The following UNC13C variants were observed in gnomAD, a reference collection of about 807,000 sequenced individuals.
The protein encoded by UNC13C is unc-13 homolog C.
Under a neutral mutation model 245.4 loss-of-function variants are expected in UNC13C, and 174 were observed. That is an observed-to-expected ratio of 0.71 (90% CI 0.63 to 0.80). The LOEUF (loss-of-function observed/expected upper bound fraction) is 0.80. UNC13C is among the 30% of genes least tolerant of loss of function. UNC13C has a pLI of 0.00. For missense variants in UNC13C, 2,829 were observed against 2,602.9 expected, an observed-to-expected ratio of 1.09 and a Z score of -1.89; for synonymous variants, 992 against 895.1, an observed-to-expected ratio of 1.11 and a Z score of -1.93.
intron 28 of UNC13C, among the ~76,000 whole-genome samples, chr15:54,553,042 ATT>A (rs1421819216): frequency 1.0e-5 from 1 of 100,222 alleles, no homozygotes; most frequent in Non-Finnish European, 1.8e-5. Context: ...TATAATATAT[ATT>A]GTATTCTATA....
chr15:54,053,432 T>C (rs1897358854), intron 2 of UNC13C, among the ~76,000 whole-genome samples: 2 of 152,200 alleles, frequency 1.3e-5, no homozygotes, highest in Admixed American at 1.3e-4. Context: ...AACCTGAGTG[T>C]CGCATTATTT....
rs751210143 is a variant in UNC13C at position 54,264,341 on chromosome 15, A to G, written c.3622A>G (p.Lys1208Glu). ...EDFVQFTKAA[K>E]QSVLDGTSKW... ...TTTTGTGCAGTTTACAAAGGCGGCC[A>G]AACAGAGTGTACTGGATGGGACATC... is the stretch of plus-strand genomic sequence containing the variant. The change falls in exon 9 of 33, where the codon AAA becomes GAA. Residue 1208 changes from lysine (K) to glutamate (E), a missense_variant. Coordinates refer to ENST00000260323, the MANE Select transcript of UNC13C (RefSeq NM_001080534.3). 3.1e-6 allele frequency: 5 copies of G among 1,606,884 alleles called. No homozygotes were observed. Among genetic ancestry groups the G allele is most frequent in the Non-Finnish European group, 4.3e-6 (5 of 1,176,374 alleles).
intron 10 of UNC13C, among the ~76,000 whole-genome samples, chr15:54,288,501 T>A (rs1405018446): frequency 6.6e-6 from 1 of 151,950 alleles, no homozygotes; most frequent in East Asian, 1.9e-4. Flanking sequence ...AGTCTTTTTT[T>A]TTTTCTTTTA....
At chr15:53,924,396 CTTTCATGAAATTGTTG>C in the UNC13C span, among the ~76,000 whole-genome samples, 13 of 152,218 alleles carry the variant, frequency 8.5e-5, no homozygotes, top group South Asian at 2.7e-3. Flanking sequence ...TTTCCCTTTT[CTTTCATGAAATTGTTG>C]TGAAGCTCAA....
intron 7 of UNC13C, among the ~76,000 whole-genome samples, chr15:54,245,768 G>A (rs551986176): frequency 8.5e-5 from 13 of 152,096 alleles, no homozygotes; most frequent in African/African-American, 1.7e-4. Flanking sequence ...TCTGGAAAGC[G>A]TACATCAAGT....
At chr15:53,926,259 T>A in the UNC13C span, among the ~76,000 whole-genome samples, 1 of 152,168 alleles carries the variant, frequency 6.6e-6, no homozygotes, top group Non-Finnish European at 1.5e-5. Context: ...TAGGTAATTG[T>A]GAAATGGAAA....
At chr15:54,271,916 A>G (rs551245239) in intron 10 of UNC13C, among the ~76,000 whole-genome samples, 2 of 152,140 alleles carry the variant, frequency 1.3e-5, no homozygotes, top group Non-Finnish European at 2.9e-5. Flanking sequence ...AATTCCACCT[A>G]ATTTCCTGAG....
At chr15:54,331,394 G>GTTCTGTT (rs1249054482) in intron 14 of UNC13C, among the ~76,000 whole-genome samples, 1 of 152,042 alleles carries the variant, frequency 6.6e-6, no homozygotes, top group Non-Finnish European at 1.5e-5. Context: ...CTTCTGTTAA[G>GTTCTGTT]AGGACAGTTC....
At chr15:54,261,346 G>A (rs2036418478) in intron 8 of UNC13C, among the ~76,000 whole-genome samples, 1 of 152,138 alleles carries the variant, frequency 6.6e-6, no homozygotes. Context: ...AACTATTTAA[G>A]AAAGAGTTTC....
intron 17 of UNC13C, among the ~76,000 whole-genome samples, chr15:54,392,753 A>G (rs1198312227): frequency 6.6e-6 from 1 of 152,006 alleles, no homozygotes; most frequent in Non-Finnish European, 1.5e-5. Context: ...ATGAACTTGT[A>G]ATCATCAGAG....
At chr15:54,219,824 A>C (rs1217510640) in intron 4 of UNC13C, among the ~76,000 whole-genome samples, 4 of 151,576 alleles carry the variant, frequency 2.6e-5, no homozygotes, top group South Asian at 2.1e-4. Flanking sequence ...ACATTTATGC[A>C]GCCAAAAGAC....
chr15:53,908,233 T>C, the UNC13C span, among the ~76,000 whole-genome samples: 1 of 146,502 alleles, frequency 6.8e-6, no homozygotes. Context: ...CCTTTTTTTG[T>C]CCTACTTTTC....
chr15:54,572,424 A>ATT (rs1336090253), intron 30 of UNC13C, among the ~76,000 whole-genome samples: 50 of 131,580 alleles, frequency 3.8e-4, no homozygotes, highest in East Asian at 1.1e-3. Context: ...TGTCTCTTTA[A>ATT]TTTTTTTTTT....
intron 24 of UNC13C, among the ~76,000 whole-genome samples, chr15:54,517,974 G>A (rs1401856223): frequency 6.6e-6 from 1 of 152,198 alleles, no homozygotes; most frequent in African/African-American, 2.4e-5. Flanking sequence ...GCTGACGTCA[G>A]TAAAAGCAAC....
chr15:53,915,510 C>T, the UNC13C span, among the ~76,000 whole-genome samples: 6 of 151,894 alleles, frequency 4.0e-5, no homozygotes, highest in African/African-American at 1.5e-4. Context: ...CACTTATGAC[C>T]AATGAAGGAT....
intron 30 of UNC13C, among the ~76,000 whole-genome samples, chr15:54,613,399 T>C (rs1482437243): frequency 2.6e-5 from 4 of 151,940 alleles, no homozygotes; most frequent in East Asian, 1.9e-4. Flanking sequence ...AATCATAAAA[T>C]ATTCATGAAT....
intron 22 of UNC13C, among the ~76,000 whole-genome samples, chr15:54,503,729 A>G (rs1894337085): frequency 6.6e-6 from 1 of 152,204 alleles, no homozygotes. Context: ...TGTGTTTACT[A>G]TAATTAGCCA....
intron 13 of UNC13C, among the ~76,000 whole-genome samples, chr15:54,314,876 G>A (rs2037970114): frequency 6.6e-6 from 1 of 151,636 alleles, no homozygotes; most frequent in Admixed American, 6.6e-5. Flanking sequence ...AAAAATTCAA[G>A]GTTTTATATC....
intron 19 of UNC13C, among the ~76,000 whole-genome samples, chr15:54,465,512 A>G (rs1892118095): frequency 6.6e-6 from 1 of 152,082 alleles, no homozygotes; most frequent in Admixed American, 6.5e-5. Flanking sequence ...GTAAGAGGTC[A>G]ACATGAAATG....
Sources: allele counts gnomAD v4.1 joint callset (sites outside exome capture counted in the v4.1 genomes callset), GRCh38; gene constraint gnomAD v4.1.1; transcripts MANE v1.5; gene names NCBI Gene and HGNC (gene_info 2026-07-23, HGNC 2026-07-21).